LAMB4: variants seen among roughly 807,000 people sequenced by gnomAD.
LAMB4 encodes laminin subunit beta 4.
Under a neutral mutation model 199.2 loss-of-function variants are expected in LAMB4, and 196 were observed. The observed-to-expected ratio is 0.98, with a 90% CI of 0.88 to 1.11. The LOEUF (loss-of-function observed/expected upper bound fraction) is 1.11. Ranked by LOEUF, LAMB4 falls within the 50% of genes least tolerant of loss-of-function variation. The pLI, the probability that LAMB4 is intolerant of heterozygous loss-of-function variation, is 0.00. For missense variants in LAMB4, 2,080 were observed against 2,171.2 expected (o/e 0.96, Z 0.83); for synonymous variants, 744 against 770.6 (o/e 0.97, Z 0.57).
At chr7:108,080,110 A>G (rs2036873033) in intron 14 of LAMB4, among the ~76,000 whole-genome samples, 1 of 152,218 alleles carries the variant, frequency 6.6e-6, no homozygotes, top group African/African-American at 2.4e-5. Context: ...TTTCTTGGAT[A>G]TGACTGCGGA....
intron 33 of LAMB4, among the ~76,000 whole-genome samples, chr7:108,028,817 T>C (rs553326467): frequency 2.6e-5 from 4 of 152,320 alleles, no homozygotes; most frequent in Non-Finnish European, 5.9e-5. Flanking sequence ...AATCTCAGTT[T>C]GTTTTGACTA....
chr7:108,028,388 G>T (rs2034910054), intron 33 of LAMB4, among the ~76,000 whole-genome samples: 1 of 151,640 alleles, frequency 6.6e-6, no homozygotes, highest in South Asian at 2.1e-4. Flanking sequence ...CCCAGTACAT[G>T]CTAGTAGTAC....
intron 1 of LAMB4, among the ~76,000 whole-genome samples, chr7:108,126,160 A>G (rs938073558): frequency 1.3e-5 from 2 of 152,242 alleles, no homozygotes; most frequent in African/African-American, 4.8e-5. Context: ...AATGCAACTG[A>G]GAATCACTTG....
chr7:108,076,956 G>A lies in LAMB4; in HGVS notation c.2112C>T (p.Val704=). 6.2e-7 allele frequency: 1 copy of A among 1,613,974 alleles called. No individual in the cohort carries two copies. Among genetic ancestry groups the A allele is most frequent in the Non-Finnish European group, 8.5e-7 (1 of 1,179,906 alleles). ...LQGESHAHSH[V]LVDSLGLIPQ... is the part of the protein sequence containing the mutation. ...CTGTGATACTTACAGAGTCCACCAG[G>A]ACATGTGAATGAGCGTGGGACTCTC... The change falls in exon 17 of 34, where the codon GTC becomes GTT. Residue 704 remains valine (V), a synonymous_variant. Transcript: ENST00000388781.
intron 30 of LAMB4, among the ~76,000 whole-genome samples, chr7:108,035,462 A>G (rs576465596): frequency 2.6e-5 from 4 of 152,044 alleles, no homozygotes; most frequent in Admixed American, 2.6e-4. Flanking sequence ...GAATCACTTG[A>G]ATCTGGGAGG....
intron 23 of LAMB4, among the ~76,000 whole-genome samples, chr7:108,058,574 T>C (rs1275054564): frequency 6.6e-6 from 1 of 152,234 alleles, no homozygotes; most frequent in Non-Finnish European, 1.5e-5. Context: ...CTAAATTAGC[T>C]GCTTAAACAA....
chr7:108,016,097 G>T, the LAMB4 span, among the ~76,000 whole-genome samples: 1 of 152,052 alleles, frequency 6.6e-6, no homozygotes, highest in East Asian at 1.9e-4. Context: ...AGTTAAAAGA[G>T]AAGTTGTCTT....
At chr7:108,114,437 T>C (rs1264650054) in intron 3 of LAMB4, among the ~76,000 whole-genome samples, 2 of 145,986 alleles carry the variant, frequency 1.4e-5, no homozygotes, top group African/African-American at 5.6e-5. Context: ...AGACCCTATC[T>C]AAAAAATAGA....
intron 6 of LAMB4, among the ~76,000 whole-genome samples, chr7:108,106,891 AC>A (rs1207375647): frequency 6.6e-6 from 1 of 152,110 alleles, no homozygotes. Context: ...TACAGAAGAG[AC>A]CCTGATCTTA....
chr7:108,082,137 T>A (rs111953147), intron 14 of LAMB4, among the ~76,000 whole-genome samples: 1,653 of 152,144 alleles, frequency 0.011, 36 homozygotes, highest in African/African-American at 0.035. Context: ...GAGACCACCT[T>A]GGCTAACACG....
At chr7:108,086,056 G>A (rs1391470531) in intron 14 of LAMB4, among the ~76,000 whole-genome samples, 1 of 152,150 alleles carries the variant, frequency 6.6e-6, no homozygotes, top group African/African-American at 2.4e-5. Flanking sequence ...TTGCTGCTAT[G>A]GCTCCCGACT....
At chr7:108,024,751 A>G (rs748499129) in intron 33 of LAMB4, among the ~76,000 whole-genome samples, 78 of 151,808 alleles carry the variant, frequency 5.1e-4, no homozygotes, top group Non-Finnish European at 1.0e-3. Context: ...CCGTCCGTCC[A>G]TCCGTCCATC....
At chr7:108,084,747 G>T (rs1584714982) in intron 14 of LAMB4, among the ~76,000 whole-genome samples, 1 of 143,016 alleles carries the variant, frequency 7.0e-6, no homozygotes. Flanking sequence ...AATGCAGAAA[G>T]AAAGGCATTC....
At chr7:108,120,146 C>T (rs2038549250) in intron 2 of LAMB4, among the ~76,000 whole-genome samples, 1 of 152,096 alleles carries the variant, frequency 6.6e-6, no homozygotes, top group Non-Finnish European at 1.5e-5. Context: ...AAATAATAAC[C>T]ATACAGTGAA....
rs918990975 is a variant in LAMB4, at chr7:108,063,091, C to A, written c.3062-97G>T. 2.6e-5 allele frequency: 17 copies of A among 663,606 alleles called. No homozygotes were observed. In the Admixed American group the frequency reaches 3.9e-4, roughly 15 times the overall value. 41.1% of individuals were successfully genotyped at this position (663,606 alleles called of 1,614,324 possible). On this transcript the variant is annotated intron_variant, in intron 22 of 33. Transcript: ENST00000388781. ...CGTTTTAGACCTGGATGTATCATTTCTCCAAGGGGCTCAAAGAATGAACGC... is the reference window on the plus strand; with the variant it reads ...CGTTTTAGACCTGGATGTATCATTTATCCAAGGGGCTCAAAGAATGAACGC...
intron 33 of LAMB4, chr7:108,026,945 A>G (rs774107516): frequency 3.9e-6 from 2 of 514,224 alleles, no homozygotes; most frequent in Admixed American, 2.0e-5. Flanking sequence ...AGGCAGTAGA[A>G]TGCCTTATTT....
chr7:108,047,061 C>G (rs985329801), intron 28 of LAMB4, among the ~76,000 whole-genome samples: 2 of 152,076 alleles, frequency 1.3e-5, no homozygotes, highest in African/African-American at 2.4e-5. Context: ...CCCACTACTC[C>G]TGGCCTGTTT....
At chr7:108,080,474 T>C (rs1306790392) in intron 14 of LAMB4, among the ~76,000 whole-genome samples, 6 of 152,186 alleles carry the variant, frequency 3.9e-5, no homozygotes, top group Admixed American at 2.6e-4. Flanking sequence ...GGTGCTGCTC[T>C]CTTCTCTCTC....
At chr7:108,086,677 G>A (rs1437955750) in intron 14 of LAMB4, among the ~76,000 whole-genome samples, 1 of 152,010 alleles carries the variant, frequency 6.6e-6, no homozygotes, top group Non-Finnish European at 1.5e-5. Context: ...TAAGGGATGA[G>A]AAGAAGTTTT....
Sources: gnomAD v4.1 joint callset for allele counts (sites outside exome capture counted in the v4.1 genomes callset) on GRCh38, gnomAD v4.1.1 for gene constraint, MANE v1.5 for transcripts, NCBI Gene and HGNC (gene_info 2026-07-23, HGNC 2026-07-21) for gene names.